Variants in CHKA observed in about 807,000 individuals in gnomAD.
The protein encoded by CHKA is choline kinase alpha, also known as CHETK-alpha.
Under a neutral mutation model 60.1 loss-of-function variants are expected in CHKA, and 34 were observed. The observed-to-expected ratio is 0.57, with a 90% CI of 0.43 to 0.75. The LOEUF (loss-of-function observed/expected upper bound fraction) is 0.75, where lower values mean the gene tolerates loss of function less well. Among genes scored for constraint, CHKA ranks in the 30% least tolerant of loss-of-function variants. The probability of loss-of-function intolerance (pLI) is 0.00; values close to 1 mark genes in which losing one functional copy is unlikely to be tolerated. For synonymous variants in CHKA, 217 were observed against 223.1 expected (o/e 0.97, Z 0.24); for missense variants, 563 against 561.3 (o/e 1.00, Z -0.03).
In CHKA at chr11:68,120,885, A is replaced by G; in HGVS notation, c.293T>C (p.Phe98Ser). The G allele has an allele frequency of 7.4e-7, 1 of 1,354,350 alleles. No individual in the cohort carries two copies. Among genetic ancestry groups the G allele is most frequent in the Non-Finnish European group, 9.6e-7 (1 of 1,039,418 alleles). The allele number at this position is 1,354,350 out of a possible 1,614,324, so 83.9% of individuals were successfully genotyped here. Residue 98 changes from phenylalanine (F) to serine (S), a missense_variant, in exon 1 of 12, where the codon TTC (phenylalanine) becomes TCC (serine). By Grantham distance (155) the Phe-to-Ser change is radical. Coordinates refer to ENST00000265689, the MANE Select transcript of CHKA (RefSeq NM_001277.3). ...RRRAYLWCKE[F>S]LPGAWRGLRE... ...GAGGCCCCGCCAGGCGCCGGGCAGG[A>G]ACTCCTTGCACCACAGATAGGCCCT...
chr11:68,077,685 G>A (rs1856838535), intron 3 of CHKA, among the ~76,000 whole-genome samples: 1 of 152,186 alleles, frequency 6.6e-6, no homozygotes, highest in Non-Finnish European at 1.5e-5. Context: ...CAGAGAAGGA[G>A]GGATGGGGAG....
At position 68,119,139 on chromosome 11, in the gene CHKA, G is replaced by A. The variant is rs114857276; in HGVS notation, c.350+1689C>T. 8.6e-3 allele frequency among the ~76,000 whole-genome samples: 1,315 copies of A among 152,306 alleles called. 17 individuals are homozygous for A. The highest frequency in any genetic ancestry group is 0.029 in the African/African-American group (1,222 of 41,560). On this transcript the variant is annotated intron_variant, in intron 1 of 11. Coordinates refer to ENST00000265689, the MANE Select transcript of CHKA (RefSeq NM_001277.3). ...AGTAGATTAAAGTAAACCTTGGAGAGAGCTGAATTTTTTTTAAGTGCCATT... is the reference window on the plus strand; with the variant it reads ...AGTAGATTAAAGTAAACCTTGGAGAAAGCTGAATTTTTTTTAAGTGCCATT...
intron 10 of CHKA, among the ~76,000 whole-genome samples, chr11:68,062,675 T>C (rs1265345725): frequency 6.6e-6 from 1 of 152,194 alleles, no homozygotes; most frequent in Non-Finnish European, 1.5e-5. Context: ...GAGTGCCTGC[T>C]CTAGTATCCT....
intron 1 of CHKA, among the ~76,000 whole-genome samples, chr11:68,111,302 C>A (rs1858128902): frequency 1.3e-5 from 2 of 151,974 alleles, no homozygotes; most frequent in Non-Finnish European, 2.9e-5. Flanking sequence ...ACCCCAGCTA[C>A]TGGGGAAGTT....
At chr11:68,061,896 G>T in intron 11 of CHKA, 57 bp downstream of exon 11, 1 of 1,184,658 alleles carries the variant, frequency 8.4e-7, no homozygotes, top group Non-Finnish European at 1.2e-6. Context: ...AAATACTATA[G>T]CATTTTTACC....
intron 2 of CHKA, among the ~76,000 whole-genome samples, chr11:68,092,662 T>G (rs1857386547): frequency 6.6e-6 from 1 of 152,124 alleles, no homozygotes; most frequent in South Asian, 2.1e-4. Flanking sequence ...GTCACAGTAC[T>G]CCCAATGACC....
chr11:68,066,993 G>A (rs1386218709), intron 7 of CHKA, among the ~76,000 whole-genome samples: 1 of 137,178 alleles, frequency 7.3e-6, no homozygotes, highest in Non-Finnish European at 1.6e-5. Flanking sequence ...AGCTGCCACA[G>A]GGGATCCCCT....
rs192606612 is a variant in CHKA at position 68,056,746 on chromosome 11, A to C, written c.1315-2699T>G. ...TTTGTTAGCTAGGCATGGTGGCGGAATGTCTGTAGTCCCAGCTACTTGGAA... is the reference window on the plus strand; with the variant it reads ...TTTGTTAGCTAGGCATGGTGGCGGACTGTCTGTAGTCCCAGCTACTTGGAA... On this transcript the variant is annotated intron_variant, in intron 11 of 11. Transcript: ENST00000265689. Among the ~76,000 whole-genome samples, 21 of 152,166 alleles carry C rather than the reference A, an allele frequency of 1.4e-4. No homozygotes were observed. The East Asian group carries it at 3.3e-3, about 24-fold the overall frequency.
chr11:68,096,991 C>T, intron 2 of CHKA, 28 bp downstream of exon 2: 3 of 1,503,034 alleles, frequency 2.0e-6, no homozygotes, highest in Non-Finnish European at 2.8e-6. Flanking sequence ...ACAGGATCCC[C>T]CCCTCCCAAA....
At chr11:68,091,990 T>C (rs542713181) in intron 2 of CHKA, among the ~76,000 whole-genome samples, 3 of 152,338 alleles carry the variant, frequency 2.0e-5, no homozygotes, top group East Asian at 1.9e-4. Context: ...ATTTGTGCAG[T>C]AGACTTCAAT....
chr11:68,109,068 CTTTCCTTTTTTCT>C (rs1272339318), intron 1 of CHKA, among the ~76,000 whole-genome samples: 1 of 150,430 alleles, frequency 6.6e-6, no homozygotes, highest in East Asian at 1.9e-4. Flanking sequence ...GCAAAGAAAC[CTTTCCTTTTTTCT>C]TTTCCTTTTT....
At chr11:68,099,157 G>A (rs901290951) in intron 1 of CHKA, among the ~76,000 whole-genome samples, 16 of 152,334 alleles carry the variant, frequency 1.1e-4, no homozygotes, top group African/African-American at 3.4e-4. Flanking sequence ...GTGGTTGCCA[G>A]GAGCTGGGGT....
In CHKA at chr11:68,053,741, G is replaced by C. The variant is rs1247567668; in HGVS notation, c.*247C>G. On this transcript the variant is annotated 3_prime_UTR_variant, in exon 12 of 12. Coordinates refer to ENST00000265689, the MANE Select transcript of CHKA (RefSeq NM_001277.3). ...CTTCTCTAGATTAAAAGGATTCAGAGATGTTGCACTATTGCACTATATTTC... is the reference window on the plus strand; with the variant it reads ...CTTCTCTAGATTAAAAGGATTCAGACATGTTGCACTATTGCACTATATTTC... 2.3e-6 allele frequency: 1 copy of C among 427,388 alleles called. No individual in the cohort carries two copies. Among genetic ancestry groups the C allele is most frequent in the African/African-American group, 2.0e-5 (1 of 49,538 alleles). 26.5% of individuals were successfully genotyped at this position (427,388 alleles called of 1,614,324 possible).
At position 68,079,529 on chromosome 11, in the gene CHKA, C is replaced by T. The variant is rs578122599; in HGVS notation, c.516+1875G>A. 5.2e-3 allele frequency among the ~76,000 whole-genome samples: 793 copies of T among 152,122 alleles called. 3 individuals carry two copies. Among genetic ancestry groups the T allele is most frequent in the Non-Finnish European group, 8.9e-3 (608 of 67,980 alleles). ...TGTATTTTTAGTAGAGACGGGGTTT[C>T]ACCATGTTAGCCAGGATGGTCTCGA... On this transcript the variant is annotated intron_variant, in intron 3 of 11. Coordinates refer to ENST00000265689, the MANE Select transcript of CHKA (RefSeq NM_001277.3).
Position 68,070,207 on chromosome 11 carries a change from A to G in CHKA, c.851T>C (p.Leu284Ser). 6.2e-7 allele frequency: 1 copy of G among 1,613,546 alleles called. No individual in the cohort carries two copies. The highest frequency in any genetic ancestry group is 8.5e-7 in the Non-Finnish European group (1 of 1,179,532). ...AACTCACCTCAGGTTTTCCAGTTCCAAGGGCAGATTGTAACTGAGCAATTT... is the reference window on the plus strand; with the variant it reads ...AACTCACCTCAGGTTTTCCAGTTCCGAGGGCAGATTGTAACTGAGCAATTT... ...LHKLLSYNLPLELENLRSLLE... is the reference protein window; with the variant it reads ...LHKLLSYNLPSELENLRSLLE... The change falls in exon 6 of 12, where the codon TTG becomes TCG. Residue 284 changes from leucine to serine, a missense_variant. Coordinates refer to ENST00000265689, the MANE Select transcript of CHKA (RefSeq NM_001277.3).
intron 2 of CHKA, among the ~76,000 whole-genome samples, chr11:68,087,806 T>C (rs972031425): frequency 1.3e-5 from 2 of 152,226 alleles, no homozygotes; most frequent in Admixed American, 1.3e-4. Context: ...TTGAGACCTA[T>C]AAATAAATAA....
At chr11:68,099,902 C>T (rs1024484475) in intron 1 of CHKA, among the ~76,000 whole-genome samples, 5 of 152,254 alleles carry the variant, frequency 3.3e-5, no homozygotes, top group African/African-American at 1.2e-4. Context: ...TGGCCAGAAA[C>T]AAGCTCACAA....
intron 2 of CHKA, among the ~76,000 whole-genome samples, chr11:68,084,283 CACATATATAT>C (rs920188739): frequency 7.0e-6 from 1 of 142,566 alleles, no homozygotes; most frequent in Non-Finnish European, 1.5e-5. Flanking sequence ...CGTATATATA[CACATATATAT>C]ACGTATATGT....
chr11:68,064,340 G>A (rs568789051), intron 10 of CHKA, among the ~76,000 whole-genome samples, 185 bp downstream of exon 10: 4 of 151,870 alleles, frequency 2.6e-5, no homozygotes, highest in East Asian at 1.9e-4. Context: ...CCCGGGAGGC[G>A]GAGGTTGCAG....
Sources: gnomAD v4.1 joint callset for allele counts (sites outside exome capture counted in the v4.1 genomes callset) on GRCh38, gnomAD v4.1.1 for gene constraint, MANE v1.5 for transcripts, NCBI Gene and HGNC (gene_info 2026-07-23, HGNC 2026-07-21) for gene names.